Variants in UGGT1 observed in about 807,000 individuals in gnomAD.
UGGT1 encodes UDP-glucose:glycoprotein glucosyltransferase 1.
Under a neutral mutation model 203.9 loss-of-function variants are expected in UGGT1, and 107 were observed. The observed-to-expected ratio is 0.52, with a 90% CI of 0.45 to 0.62. The LOEUF (loss-of-function observed/expected upper bound fraction) is 0.62. UGGT1 is among the 20% of genes least tolerant of loss of function. The pLI is 0.00. For missense variants in UGGT1, 1,673 were observed against 1,867.2 expected (o/e 0.90, Z 1.92); for synonymous variants, 628 against 653.5 (o/e 0.96, Z 0.59).
At chr2:128,176,128 C>T (rs1387691915) in intron 31 of UGGT1, among the ~76,000 whole-genome samples, 4 of 152,156 alleles carry the variant, frequency 2.6e-5, no homozygotes, top group Admixed American at 2.0e-4. Flanking sequence ...GAGTAGTGGC[C>T]GGGAGTGATG....
At chr2:128,173,637 CT>C (rs1388292552) in intron 29 of UGGT1, 143 bp from the exon 30 acceptor site, 1 of 1,017,408 alleles carries the variant, frequency 9.8e-7, no homozygotes, top group East Asian at 2.7e-5. Flanking sequence ...TGTCATTATA[CT>C]TTTGTCTTTT....
At chr2:128,116,456 A>G (rs1688104570) in intron 8 of UGGT1, 113 bp downstream of exon 8, 2 of 683,056 alleles carry the variant, frequency 2.9e-6, no homozygotes. Flanking sequence ...TCATCTCCTA[A>G]CAGTACTTTA....
chr2:128,176,862 C>T lies in UGGT1; in HGVS notation c.3588C>T (p.Val1196=), dbSNP rs576441514. The change falls in exon 32 of 41, where the codon GTC becomes GTT. Residue 1196 remains valine, a synonymous_variant. Coordinates refer to ENST00000259253, the MANE Select transcript of UGGT1 (RefSeq NM_020120.4). Reference sequence around the variant, plus strand: ...CTGATGCTGATGAGGTGGTTATCGTCCTCAACAACTTCAAAAGCAAAATTA... The same window carrying T: ...CTGATGCTGATGAGGTGGTTATCGTTCTCAACAACTTCAAAAGCAAAATTA... ...SPPDADEVVI[V]LNNFKSKIIK... is the part of the protein sequence containing the mutation. The T allele has an allele frequency of 3.1e-6, 5 of 1,614,092 alleles. No homozygotes were observed. In the African/African-American group the frequency reaches 4.0e-5, roughly 13 times the overall value.
intron 1 of UGGT1, among the ~76,000 whole-genome samples, chr2:128,095,847 C>T (rs1189706496): frequency 6.6e-6 from 1 of 152,148 alleles, no homozygotes. Flanking sequence ...GACTAGTCCC[C>T]AATGTGGACA....
intron 16 of UGGT1, 82 bp downstream of exon 16, chr2:128,138,934 G>C: frequency 6.4e-7 from 1 of 1,562,910 alleles, no homozygotes; most frequent in Non-Finnish European, 8.7e-7. Context: ...TGTATGCTAG[G>C]CAGCTGGGGT....
intron 8 of UGGT1, among the ~76,000 whole-genome samples, chr2:128,119,079 C>A (rs928560103): frequency 6.6e-6 from 1 of 152,160 alleles, no homozygotes; most frequent in African/African-American, 2.4e-5. Flanking sequence ...ATGATACTTA[C>A]CAGTTGGGCA....
At chr2:128,143,686 T>G (rs1165861583) in intron 17 of UGGT1, among the ~76,000 whole-genome samples, 1 of 152,250 alleles carries the variant, frequency 6.6e-6, no homozygotes, top group Non-Finnish European at 1.5e-5. Context: ...TCTGTACTGA[T>G]TAGAGGCTCT....
intron 18 of UGGT1, 82 bp from the exon 19 acceptor site, chr2:128,152,702 A>T (rs1690030729): frequency 6.5e-7 from 1 of 1,528,140 alleles, no homozygotes; most frequent in Non-Finnish European, 8.8e-7. Flanking sequence ...TATAAAGTTA[A>T]TAATTTTTTG....
rs1374349738 is a variant in UGGT1, at chr2:128,123,244, A to C, written c.1132A>C (p.Lys378Gln). 1 of 1,613,260 alleles carries C rather than the reference A, an allele frequency of 6.2e-7. No individual in the cohort carries two copies. Among genetic ancestry groups the C allele is most frequent in the Admixed American group, 1.7e-5 (1 of 59,986 alleles). ...ELRTEVEENQ[K>Q]YFKGTLGLQP... ...TAGAACCGAAGTGGAAGAGAATCAG[A>C]AGGTATTCACCGATAGAAAATACTG... Residue 378 changes from lysine to glutamine, a missense_variant and splice_region_variant, in exon 11 of 41, where the codon AAG becomes CAG. By Grantham distance (53) the Lys-to-Gln change is moderately conservative. Coordinates refer to ENST00000259253, the MANE Select transcript of UGGT1 (RefSeq NM_020120.4).
chr2:128,154,372 T>A (rs1342146687), intron 19 of UGGT1, among the ~76,000 whole-genome samples: 1 of 152,188 alleles, frequency 6.6e-6, no homozygotes, highest in Non-Finnish European at 1.5e-5. Context: ...GTTGCAGCAA[T>A]GAGCTATGAA....
At chr2:128,116,218 C>T in intron 7 of UGGT1, 47 bp from the exon 8 acceptor site, 1 of 1,313,892 alleles carries the variant, frequency 7.6e-7, no homozygotes, top group Admixed American at 1.9e-5. Flanking sequence ...GTTTTTGTTT[C>T]AAATCTGAGC....
intron 1 of UGGT1, among the ~76,000 whole-genome samples, chr2:128,096,918 T>C (rs1687140168): frequency 6.6e-6 from 1 of 152,228 alleles, no homozygotes; most frequent in Admixed American, 6.5e-5. Context: ...ATAACCTAAG[T>C]GCCTTCAGTT....
chr2:128,107,543 A>G (rs1297490174), intron 3 of UGGT1, among the ~76,000 whole-genome samples: 2 of 152,226 alleles, frequency 1.3e-5, no homozygotes, highest in African/African-American at 2.4e-5. Flanking sequence ...AAATGATATG[A>G]TAAGTGAAAG....
At chr2:128,178,811 A>G (rs1691534583) in intron 34 of UGGT1, among the ~76,000 whole-genome samples, 3 of 152,206 alleles carry the variant, frequency 2.0e-5, no homozygotes, top group Non-Finnish European at 4.4e-5. Context: ...ACGTCACTGT[A>G]CACATTCATA....
chr2:128,100,820 G>T (rs1213987000), intron 2 of UGGT1, among the ~76,000 whole-genome samples: 2 of 152,142 alleles, frequency 1.3e-5, no homozygotes, highest in African/African-American at 4.8e-5. Flanking sequence ...TGTCCTAGAA[G>T]ATTCTTACAG....
intron 19 of UGGT1, among the ~76,000 whole-genome samples, chr2:128,153,827 T>A (rs1690097480): frequency 6.6e-6 from 1 of 152,142 alleles, no homozygotes. Context: ...TCCTCGAGAT[T>A]CTGAGGCCTC....
rs1206133041 is a variant in UGGT1 at position 128,155,416 on chromosome 2, T to C, written c.2138-73T>C. ...CTATAAATCTTATATTATGATCAAG[T>C]CAGGTTATCAGTTGAATATTAAGAA... On this transcript the variant is annotated intron_variant, in intron 19 of 40. Transcript: ENST00000259253. The C allele has an allele frequency of 6.3e-6, 7 of 1,107,596 alleles. No individual in the cohort carries two copies. In the East Asian group the frequency reaches 1.7e-4, roughly 27 times the overall value. 68.6% of individuals were successfully genotyped at this position (1,107,596 alleles called of 1,614,324 possible). A position where few individuals can be genotyped will look rare whatever the true frequency, so the allele number is the denominator to read the frequency against.
intron 18 of UGGT1, among the ~76,000 whole-genome samples, chr2:128,146,570 A>G (rs202174775): frequency 7.2e-5 from 2 of 27,914 alleles, no homozygotes; most frequent in Non-Finnish European, 1.6e-4. Flanking sequence ...ATAAATATTA[A>G]TATATATAGT....
chr2:128,103,752 A>G lies in UGGT1; in HGVS notation c.195-180A>G, dbSNP rs1367479125. 2.6e-5 allele frequency among the ~76,000 whole-genome samples: 4 copies of G among 151,446 alleles called. No homozygotes were observed. In the East Asian group the frequency reaches 7.7e-4, roughly 29 times the overall value. On this transcript the variant is annotated intron_variant, in intron 2 of 40. Transcript: ENST00000259253. ...GGCTAAGTTATTAATAACTAATAAGATAGGACTTGATTATCATTAAAAATA... is the reference window on the plus strand; with the variant it reads ...GGCTAAGTTATTAATAACTAATAAGGTAGGACTTGATTATCATTAAAAATA...
Sources: allele counts gnomAD v4.1 joint callset (sites outside exome capture counted in the v4.1 genomes callset), GRCh38; gene constraint gnomAD v4.1.1; transcripts MANE v1.5; gene names NCBI Gene and HGNC (gene_info 2026-07-23, HGNC 2026-07-21).